Variants in PTPRD observed in about 807,000 individuals in gnomAD.
PTPRD encodes protein tyrosine phosphatase receptor type D, also known as receptor-type tyrosine-protein phosphatase delta.
In PTPRD, 34 loss-of-function variants were observed where a neutral mutation model predicts 214.5. The ratio of observed to expected loss-of-function variants is 0.16; its 90% CI spans 0.12 to 0.21. The LOEUF is 0.21. PTPRD is among the 10% of genes least tolerant of loss of function. The pLI, the probability that PTPRD is intolerant of heterozygous loss-of-function variation, is 1.00. For synonymous variants in PTPRD, 1,128 were observed against 845.7 expected (o/e 1.33, Z -5.79); for missense variants, 2,545 against 2,398.7 (o/e 1.06, Z -1.27).
chr9:9,214,869 G>A (rs888715241), intron 9 of PTPRD, among the ~76,000 whole-genome samples: 1 of 152,158 alleles, frequency 6.6e-6, no homozygotes, highest in Non-Finnish European at 1.5e-5. Flanking sequence ...TTTAACAGAT[G>A]AAGGAATTAA....
chr9:8,829,260 A>G (rs2097236948), intron 11 of PTPRD, among the ~76,000 whole-genome samples: 1 of 152,130 alleles, frequency 6.6e-6, no homozygotes, highest in Non-Finnish European at 1.5e-5. Flanking sequence ...TCATGTCCTT[A>G]TCCAGTCATC....
At chr9:9,909,321 T>TG (rs1029480486) in intron 5 of PTPRD, among the ~76,000 whole-genome samples, 1 of 151,688 alleles carries the variant, frequency 6.6e-6, no homozygotes, top group Non-Finnish European at 1.5e-5. Flanking sequence ...CTGAAAGTTT[T>TG]TTTTTTTTTT....
At chr9:8,620,172 C>G (rs952179672) in intron 14 of PTPRD, among the ~76,000 whole-genome samples, 1 of 151,884 alleles carries the variant, frequency 6.6e-6, no homozygotes, top group Non-Finnish European at 1.5e-5. Flanking sequence ...GATTTTTTTC[C>G]TTTGTTTGAT....
intron 5 of PTPRD, among the ~76,000 whole-genome samples, chr9:9,870,510 T>G (rs552003874): frequency 6.6e-6 from 1 of 151,990 alleles, no homozygotes; most frequent in African/African-American, 2.4e-5. Flanking sequence ...GCAACCTTTT[T>G]TGATTATAAT....
At chr9:8,773,532 T>C (rs73425037) in intron 11 of PTPRD, among the ~76,000 whole-genome samples, 1 of 152,306 alleles carries the variant, frequency 6.6e-6, no homozygotes, top group Admixed American at 6.5e-5. Flanking sequence ...ATCTGTTTTA[T>C]GGCTTGTTTC....
intron 9 of PTPRD, among the ~76,000 whole-genome samples, chr9:9,359,456 C>G (rs2055143865): frequency 6.6e-6 from 1 of 151,266 alleles, no homozygotes. Flanking sequence ...CTTTTCATCT[C>G]TGTCCTGATC....
At chr9:9,773,998 CCTATT>C (rs776721658) in intron 5 of PTPRD, among the ~76,000 whole-genome samples, 4 of 152,182 alleles carry the variant, frequency 2.6e-5, no homozygotes, top group Admixed American at 1.3e-4. Context: ...GTGTTAATCT[CCTATT>C]CTACAAACAT....
chr9:10,079,405 G>A (rs920344585), intron 3 of PTPRD, among the ~76,000 whole-genome samples: 6 of 152,170 alleles, frequency 3.9e-5, no homozygotes, highest in East Asian at 1.9e-4. Flanking sequence ...GAAATCCCGA[G>A]GCCACCCCTG....
intron 10 of PTPRD, among the ~76,000 whole-genome samples, chr9:9,117,562 A>T (rs184554068): frequency 6.6e-6 from 1 of 152,244 alleles, no homozygotes; most frequent in African/African-American, 2.4e-5. Context: ...GAGGAACAAG[A>T]TCTTTTATTT....
In PTPRD at chr9:9,428,994, C is replaced by A. The variant is rs183602040; in HGVS notation, c.-236-31512G>T. Among the ~76,000 whole-genome samples the A allele has an allele frequency of 1.6e-3, 241 of 152,210 alleles. 1 individual carries two copies. The highest frequency in any genetic ancestry group is 8.5e-4 in the Non-Finnish European group (58 of 68,016). ...CACCCTAATATCACAATTAAAAGAA[C>A]TAGAGAAGCAAGAGCAAACACATTC... On this transcript the variant is annotated intron_variant, in intron 8 of 45. Transcript: ENST00000381196.
intron 39 of PTPRD, among the ~76,000 whole-genome samples, chr9:8,356,333 CCAAA>C (rs1188192875): frequency 2.0e-5 from 3 of 152,048 alleles, no homozygotes; most frequent in Non-Finnish European, 2.9e-5. Context: ...TGGAAAGACA[CCAAA>C]CAAAGATAAC....
intron 2 of PTPRD, among the ~76,000 whole-genome samples, chr9:10,346,469 A>G (rs2097084615): frequency 6.6e-6 from 1 of 152,234 alleles, no homozygotes; most frequent in Non-Finnish European, 1.5e-5. Context: ...TATATGATAC[A>G]GTAATTTAAT....
At chr9:9,211,761 T>C (rs1203900541) in intron 9 of PTPRD, among the ~76,000 whole-genome samples, 2 of 152,124 alleles carry the variant, frequency 1.3e-5, no homozygotes, top group Non-Finnish European at 2.9e-5. Context: ...TTTGCACATA[T>C]TATGTCATTT....
chr9:10,291,459 GGGTGGACCC>G (rs2095525796), intron 3 of PTPRD, among the ~76,000 whole-genome samples: 1 of 152,058 alleles, frequency 6.6e-6, no homozygotes, highest in African/African-American at 2.4e-5. Context: ...GAGATTATTT[GGGTGGACCC>G]TACATATAAT....
At chr9:9,495,785 C>T (rs1225328913) in intron 8 of PTPRD, among the ~76,000 whole-genome samples, 1 of 152,230 alleles carries the variant, frequency 6.6e-6, no homozygotes, top group Non-Finnish European at 1.5e-5. Flanking sequence ...GTACCCAAAA[C>T]TGTTGTCACA....
intron 3 of PTPRD, among the ~76,000 whole-genome samples, chr9:10,256,395 C>CTTTTTTTTT (rs35833315): frequency 6.9e-6 from 1 of 144,624 alleles, no homozygotes. Flanking sequence ...TGAATTACAG[C>CTTTTTTTTT]TTTTTTTTTT....
At chr9:9,937,886 T>C (rs1020748487) in intron 5 of PTPRD, among the ~76,000 whole-genome samples, 1 of 152,216 alleles carries the variant, frequency 6.6e-6, no homozygotes, top group Non-Finnish European at 1.5e-5. Context: ...CATATTAATG[T>C]TTCTACATGA....
At chr9:8,831,940 T>C (rs1027667043) in intron 11 of PTPRD, among the ~76,000 whole-genome samples, 24 of 152,140 alleles carry the variant, frequency 1.6e-4, no homozygotes, top group Non-Finnish European at 3.2e-4. Context: ...TGGGTACAAG[T>C]TGTAATTTAC....
chr9:10,241,710 T>C (rs1444513936), intron 3 of PTPRD, among the ~76,000 whole-genome samples: 4 of 151,928 alleles, frequency 2.6e-5, no homozygotes, highest in Non-Finnish European at 5.9e-5. Context: ...ACGGTTATTA[T>C]AAAGGGGCAC....
Sources: allele counts gnomAD v4.1 joint callset (sites outside exome capture counted in the v4.1 genomes callset), GRCh38; gene constraint gnomAD v4.1.1; transcripts MANE v1.5; gene names NCBI Gene and HGNC (gene_info 2026-07-23, HGNC 2026-07-21).